STXBP6: variants seen among roughly 807,000 people sequenced by gnomAD.
The protein encoded by STXBP6 is syntaxin binding protein 6, also known as syntaxin-binding protein 6.
Under a neutral mutation model 26.9 loss-of-function variants are expected in STXBP6, and 21 were observed. The ratio of observed to expected loss-of-function variants is 0.78; its 90% CI spans 0.55 to 1.12. STXBP6 has a LOEUF of 1.12. Ranked by LOEUF, STXBP6 falls within the 50% of genes most tolerant of loss-of-function variation. The pLI is 0.00. For missense variants in STXBP6, 232 were observed against 257.9 expected (o/e 0.90, Z 0.69); for synonymous variants, 97 against 92.6 (o/e 1.05, Z -0.27).
At chr14:24,982,453 G>A (rs573433876) in intron 1 of STXBP6, among the ~76,000 whole-genome samples, 2 of 152,316 alleles carry the variant, frequency 1.3e-5, no homozygotes, top group Admixed American at 6.5e-5. Flanking sequence ...GTTAGCCTGC[G>A]CTTGCTCTCT....
chr14:24,940,224 A>G (rs1295655629), intron 2 of STXBP6, among the ~76,000 whole-genome samples: 5 of 152,206 alleles, frequency 3.3e-5, no homozygotes, highest in Admixed American at 1.3e-4. Flanking sequence ...AGTATAAGGT[A>G]TCGTGACAGA....
At chr14:24,973,379 CTTTTTT>C (rs1057437135) in intron 2 of STXBP6, among the ~76,000 whole-genome samples, 18 of 76,806 alleles carry the variant, frequency 2.3e-4, no homozygotes, top group East Asian at 1.3e-3. Flanking sequence ...AGCTTTCTTC[CTTTTTT>C]TTTTTTTTTT....
In STXBP6 at chr14:24,818,906, T is replaced by C. The variant is rs561529459; in HGVS notation, c.609+131A>G. 2.3e-4 allele frequency: 284 copies of C among 1,237,336 alleles called. 2 individuals are homozygous for C. In the South Asian group the frequency reaches 4.3e-3, roughly 19 times the overall value. 76.6% of individuals were successfully genotyped at this position (1,237,336 alleles called of 1,614,324 possible). A position where few individuals can be genotyped will look rare whatever the true frequency, so the allele number is the denominator to read the frequency against. On this transcript the variant is annotated intron_variant, in intron 5 of 5. Transcript: ENST00000323944. ...ACTCAGGTGTTTAGTAAGTAGCAGA[T>C]GGGAATTACATAAAGGGGAAATAGC...
chr14:25,016,107 A>C (rs1197716673), intron 1 of STXBP6, among the ~76,000 whole-genome samples: 1 of 152,236 alleles, frequency 6.6e-6, no homozygotes, highest in African/African-American at 2.4e-5. Flanking sequence ...AAAAATGCTT[A>C]GGTGAGTGCC....
intron 1 of STXBP6, among the ~76,000 whole-genome samples, chr14:25,023,162 G>A (rs879349879): frequency 1.3e-5 from 2 of 151,996 alleles, no homozygotes; most frequent in East Asian, 1.9e-4. Context: ...CTCTTCTAAC[G>A]TCTTTAATTA....
At chr14:24,937,619 T>C (rs182452418) in intron 2 of STXBP6, among the ~76,000 whole-genome samples, 113 of 152,056 alleles carry the variant, frequency 7.4e-4, no homozygotes, top group East Asian at 6.4e-3. Context: ...GTAAAACACA[T>C]ATATATATAT....
chr14:24,907,035 AAAG>A (rs763576747), intron 2 of STXBP6, among the ~76,000 whole-genome samples: 4 of 152,140 alleles, frequency 2.6e-5, no homozygotes, highest in Non-Finnish European at 5.9e-5. Flanking sequence ...AAAGGGGAAT[AAAG>A]AAGAATAAGA....
chr14:25,015,515 A>G (rs930790876), intron 1 of STXBP6, among the ~76,000 whole-genome samples: 1 of 152,042 alleles, frequency 6.6e-6, no homozygotes, highest in East Asian at 1.9e-4. Context: ...ACAAAAAGAA[A>G]TGGATTTATT....
chr14:24,917,818 A>C lies in STXBP6; in HGVS notation c.154+56847T>G, dbSNP rs534670842. ...TTAATAAAGTGAGAAGACAATATAC[A>C]TAACGGGAGAAAATATTTGCTAACC... On this transcript the variant is annotated intron_variant, in intron 2 of 5. Transcript: ENST00000323944. 8.5e-5 allele frequency among the ~76,000 whole-genome samples: 13 copies of C among 152,226 alleles called. No individual in the cohort carries two copies. The East Asian group carries it at 2.5e-3, about 29-fold the overall frequency.
intron 2 of STXBP6, among the ~76,000 whole-genome samples, chr14:24,948,593 T>C (rs1470311039): frequency 3.3e-5 from 5 of 152,070 alleles, no homozygotes; most frequent in Admixed American, 3.3e-4. Context: ...AACTGTCCTC[T>C]GACCATGAGC....
At chr14:24,893,696 T>A (rs2070873969) in intron 2 of STXBP6, among the ~76,000 whole-genome samples, 1 of 152,262 alleles carries the variant, frequency 6.6e-6, no homozygotes, top group Admixed American at 6.5e-5. Flanking sequence ...AATGGTCAGT[T>A]ACTTCATTTT....
intron 1 of STXBP6, 101 bp from the exon 2 acceptor site, chr14:24,974,951 AT>A: frequency 1.4e-6 from 1 of 717,962 alleles, no homozygotes; most frequent in Non-Finnish European, 2.1e-6. Flanking sequence ...GTAATTTTCA[AT>A]TTACAGTTTA....
At chr14:24,940,563 G>T (rs1272941102) in intron 2 of STXBP6, among the ~76,000 whole-genome samples, 1 of 152,170 alleles carries the variant, frequency 6.6e-6, no homozygotes, top group Admixed American at 6.5e-5. Flanking sequence ...GCTGACTGCA[G>T]ACTGATAAGA....
At chr14:25,048,592 A>G (rs905385732) in intron 1 of STXBP6, among the ~76,000 whole-genome samples, 1 of 152,200 alleles carries the variant, frequency 6.6e-6, no homozygotes, top group Non-Finnish European at 1.5e-5. Context: ...TCCCTTTAAG[A>G]ACGTAACACA....
chr14:25,047,110 C>T (rs1356009571), intron 1 of STXBP6, among the ~76,000 whole-genome samples: 1 of 152,200 alleles, frequency 6.6e-6, no homozygotes, highest in African/African-American at 2.4e-5. Context: ...GTCCTCCAAC[C>T]TTAAGGTTCA....
intron 1 of STXBP6, among the ~76,000 whole-genome samples, chr14:24,992,255 T>C (rs2074493087): frequency 6.6e-6 from 1 of 152,188 alleles, no homozygotes; most frequent in African/African-American, 2.4e-5. Context: ...AGTCCCATAG[T>C]CACACTGAAA....
intron 2 of STXBP6, among the ~76,000 whole-genome samples, chr14:24,966,246 C>T (rs893306722): frequency 6.6e-6 from 1 of 152,118 alleles, no homozygotes; most frequent in Non-Finnish European, 1.5e-5. Context: ...ACTCTGTTGG[C>T]GTGCTAAACC....
chr14:24,944,862 A>G (rs190020836), intron 2 of STXBP6, among the ~76,000 whole-genome samples: 25 of 152,062 alleles, frequency 1.6e-4, no homozygotes, highest in Middle Eastern at 3.4e-3. Context: ...GGAGTGTGAA[A>G]AGAGTGTGAA....
intron 2 of STXBP6, among the ~76,000 whole-genome samples, chr14:24,959,581 A>G (rs1293497004): frequency 3.9e-5 from 6 of 152,242 alleles, no homozygotes; most frequent in Non-Finnish European, 7.3e-5. Flanking sequence ...GATGTGGCAC[A>G]TGTAAATGTT....
Sources: allele counts gnomAD v4.1 joint callset (sites outside exome capture counted in the v4.1 genomes callset), GRCh38; gene constraint gnomAD v4.1.1; transcripts MANE v1.5; gene names NCBI Gene and HGNC (gene_info 2026-07-23, HGNC 2026-07-21).